The following RIC1 variants were observed in gnomAD, a reference collection of about 807,000 sequenced individuals.
The protein encoded by RIC1 is RIC1 partner of RAB6A GEF complex.
Under a neutral mutation model 169.0 loss-of-function variants are expected in RIC1, and 88 were observed. That is an observed-to-expected ratio of 0.52 (90% CI 0.44 to 0.62). The LOEUF (loss-of-function observed/expected upper bound fraction) is 0.62, where lower values mean the gene tolerates loss of function less well. RIC1 is among the 20% of genes least tolerant of loss of function. RIC1 has a pLI of 0.00. For missense variants in RIC1, 1,877 were observed against 1,725.5 expected (o/e 1.09, Z -1.56); for synonymous variants, 790 against 601.5 (o/e 1.31, Z -4.59).
intron 2 of RIC1, among the ~76,000 whole-genome samples, chr9:5,659,840 A>AT (rs1325545231): frequency 6.6e-6 from 1 of 151,878 alleles, no homozygotes; most frequent in Non-Finnish European, 1.5e-5. Context: ...CATATATCTG[A>AT]TTTTTTCCAA....
intron 1 of RIC1, among the ~76,000 whole-genome samples, chr9:5,645,431 G>T (rs371937324): frequency 2.0e-5 from 3 of 152,154 alleles, no homozygotes; most frequent in East Asian, 3.9e-4. Context: ...TATATACTTC[G>T]CAAAGTTCTG....
chr9:5,689,702 A>T (rs750822720), intron 2 of RIC1, among the ~76,000 whole-genome samples: 1 of 152,226 alleles, frequency 6.6e-6, no homozygotes, highest in African/African-American at 2.4e-5. Context: ...TAATGCAGTT[A>T]CTTGAGAGTA....
rs890980813 is a variant in RIC1 at position 5,775,662 on chromosome 9, G to T, written c.*1416G>T. 6.6e-6 allele frequency: 1 copy of T among 152,134 alleles called. No individual in the cohort carries two copies. Among genetic ancestry groups the T allele is most frequent in the Non-Finnish European group, 1.5e-5 (1 of 68,014 alleles). 9.4% of individuals were successfully genotyped at this position (152,134 alleles called of 1,614,324 possible). On this transcript the variant is annotated 3_prime_UTR_variant, in exon 26 of 26. Coordinates refer to ENST00000414202, the MANE Select transcript of RIC1 (RefSeq NM_020829.4). The stretch of plus-strand genomic sequence containing the variant: ...TTAAAGTAAATGGCTAGATTTAGTT[G>T]TCTTAGCCAGGTTTCCTTTGAAGAG...
At chr9:5,632,575 G>GC (rs917262471) in intron 1 of RIC1, among the ~76,000 whole-genome samples, 6 of 152,034 alleles carry the variant, frequency 3.9e-5, no homozygotes, top group African/African-American at 1.4e-4. Context: ...ATATTTTGGA[G>GC]CCCCCCAAAT....
At chr9:5,696,058 C>T (rs533264863) in intron 3 of RIC1, among the ~76,000 whole-genome samples, 2 of 152,182 alleles carry the variant, frequency 1.3e-5, no homozygotes, top group South Asian at 4.2e-4. Context: ...CATATTTGTT[C>T]AGTCATCAAA....
At position 5,651,558 on chromosome 9, in the gene RIC1, C is replaced by CTTTTT. The variant is rs58654916; in HGVS notation, c.145-5007_145-5003dup. The stretch of plus-strand genomic sequence containing the variant: ...TGGGTCTTACATTTAAGTCTTTAAT[C>CTTTTT]TTTTTTTTTTTTTTTTTTTTTTATT... On this transcript the variant is annotated intron_variant, in intron 1 of 25. Coordinates refer to ENST00000414202, the MANE Select transcript of RIC1 (RefSeq NM_020829.4). 1.1e-3 allele frequency among the ~76,000 whole-genome samples: 115 copies of CTTTTT among 107,852 alleles called. 1 individual carries two copies. Among genetic ancestry groups the CTTTTT allele is most frequent in the African/African-American group, 1.1e-3 (33 of 30,156 alleles). 70.8% of individuals were successfully genotyped at this position (107,852 alleles called of 152,430 possible). A position where few individuals can be genotyped will look rare whatever the true frequency, so the allele number is the denominator to read the frequency against.
At chr9:5,667,613 T>A (rs1381157568) in intron 2 of RIC1, among the ~76,000 whole-genome samples, 10 of 151,148 alleles carry the variant, frequency 6.6e-5, no homozygotes, top group Non-Finnish European at 1.5e-5. Context: ...TAAGTAATCC[T>A]CTCCCTCAGC....
At chr9:5,673,064 A>C (rs1291276478) in intron 2 of RIC1, among the ~76,000 whole-genome samples, 3 of 152,196 alleles carry the variant, frequency 2.0e-5, no homozygotes, top group Non-Finnish European at 4.4e-5. Context: ...GCAAGTGGAC[A>C]TGTAACTAAT....
chr9:5,727,365 C>T (rs899486742), intron 6 of RIC1, among the ~76,000 whole-genome samples: 12 of 152,308 alleles, frequency 7.9e-5, no homozygotes, highest in Non-Finnish European at 5.9e-5. Flanking sequence ...ACATAGTTCT[C>T]GTGCGATGGT....
chr9:5,772,649 T>C lies in RIC1; in HGVS notation c.3702T>C (p.Asn1234=), dbSNP rs773428994. The C allele has an allele frequency of 1.2e-6, 2 of 1,613,928 alleles. No individual in the cohort carries two copies. Among genetic ancestry groups the C allele is most frequent in the Non-Finnish European group, 1.7e-6 (2 of 1,179,926 alleles). ...VDGDWTMVDE[N]FSTLSLTQSE... ...GCGACTGGACAATGGTGGATGAAAA[T>C]TTCTCTACACTCAGTTTAACTCAGT... Residue 1234 remains asparagine (N), a synonymous_variant, in exon 24 of 26, where the codon AAT becomes AAC. Coordinates refer to ENST00000414202, the MANE Select transcript of RIC1 (RefSeq NM_020829.4).
intron 3 of RIC1, among the ~76,000 whole-genome samples, chr9:5,703,676 G>A (rs1405078799): frequency 2.0e-5 from 3 of 152,128 alleles, no homozygotes; most frequent in Non-Finnish European, 4.4e-5. Flanking sequence ...TGTTTTCAAG[G>A]TTAATTCGTG....
At chr9:5,722,888 C>A (rs2130877867) in intron 6 of RIC1, among the ~76,000 whole-genome samples, 1 of 152,326 alleles carries the variant, frequency 6.6e-6, no homozygotes, top group African/African-American at 2.4e-5. Context: ...GACATGAACT[C>A]ATCCTTTTTT....
At chr9:5,668,417 C>A (rs1039338137) in intron 2 of RIC1, among the ~76,000 whole-genome samples, 1 of 152,082 alleles carries the variant, frequency 6.6e-6, no homozygotes, top group African/African-American at 2.4e-5. Flanking sequence ...CTGAGTTTAT[C>A]CTTTTTGGAA....
In RIC1 at chr9:5,700,014, C is replaced by CTTT. The variant is rs374631629; in HGVS notation, c.332+9990_332+9992dup. ...AACTGCATTAAGAAAAAAATTCCTA[C>CTTT]TTTTTTTTTTTTTTTTCCTTTCACT... On this transcript the variant is annotated intron_variant, in intron 3 of 25. Transcript: ENST00000414202. Among the ~76,000 whole-genome samples the CTTT allele has an allele frequency of 2.8e-5, 4 of 142,662 alleles. No homozygotes were observed. The East Asian group carries it at 8.1e-4, about 29-fold the overall frequency. The allele number at this position is 142,662 out of a possible 152,430, so 93.6% of individuals were successfully genotyped here. A position where few individuals can be genotyped will look rare whatever the true frequency, so the allele number is the denominator to read the frequency against.
intron 10 of RIC1, among the ~76,000 whole-genome samples, chr9:5,743,960 A>G (rs1178042974): frequency 6.6e-6 from 1 of 152,040 alleles, no homozygotes; most frequent in African/African-American, 2.4e-5. Context: ...CTATCCACAC[A>G]CGGTTAATTT....
rs182020181 is a variant in RIC1, at chr9:5,756,965, A to G, written c.1854-348A>G. 2.2e-3 allele frequency among the ~76,000 whole-genome samples: 337 copies of G among 152,348 alleles called. 1 individual carries two copies. Among genetic ancestry groups the G allele is most frequent in the African/African-American group, 7.7e-3 (320 of 41,580 alleles). ...GAAACAGCACAGTGATTGAGAAGTA[A>G]TGCAAGATAAAAATTAAGACATCTC... On this transcript the variant is annotated intron_variant, in intron 16 of 25. Coordinates refer to ENST00000414202, the MANE Select transcript of RIC1 (RefSeq NM_020829.4).
intron 22 of RIC1, 32 bp from the exon 23 acceptor site, chr9:5,770,055 C>G (rs766519115): frequency 4.5e-6 from 7 of 1,559,182 alleles, no homozygotes; most frequent in Non-Finnish European, 6.1e-6. Context: ...CAATTTCTTC[C>G]TCCATTTTTT....
chr9:5,692,530 G>A (rs1057319497), intron 3 of RIC1, among the ~76,000 whole-genome samples: 3 of 151,904 alleles, frequency 2.0e-5, no homozygotes, highest in African/African-American at 7.3e-5. Flanking sequence ...CTAACTTCTA[G>A]TAACTGCTAC....
chr9:5,673,026 G>GGT (rs1417659366), intron 2 of RIC1, among the ~76,000 whole-genome samples: 9 of 152,038 alleles, frequency 5.9e-5, no homozygotes, highest in African/African-American at 2.2e-4. Context: ...GGAATGCCTT[G>GGT]GTATTGGAGC....
Sources: gnomAD v4.1 joint callset for allele counts (sites outside exome capture counted in the v4.1 genomes callset) on GRCh38, gnomAD v4.1.1 for gene constraint, MANE v1.5 for transcripts, NCBI Gene and HGNC (gene_info 2026-07-23, HGNC 2026-07-21) for gene names.